Variants in LRRC2 observed in about 807,000 individuals in gnomAD.
LRRC2 encodes the protein leucine-rich repeat-containing protein 2.
Under a neutral mutation model 40.2 loss-of-function variants are expected in LRRC2, and 27 were observed. The ratio of observed to expected loss-of-function variants is 0.67; its 90% CI spans 0.49 to 0.93. The LOEUF is 0.93. LRRC2 is among the 40% of genes least tolerant of loss of function. The pLI is 0.00. For synonymous variants in LRRC2, 147 were observed against 158.9 expected (o/e 0.92, Z 0.56); for missense variants, 402 against 439.6 (o/e 0.91, Z 0.76).
intron 1 of LRRC2, among the ~76,000 whole-genome samples, chr3:46,552,838 C>T (rs985691597): frequency 3.4e-5 from 5 of 148,246 alleles, no homozygotes; most frequent in Non-Finnish European, 7.4e-5. Context: ...AACCATTGAT[C>T]TCTGTTTACC....
chr3:46,562,059 C>T (rs1704956647), intron 1 of LRRC2, among the ~76,000 whole-genome samples: 1 of 152,184 alleles, frequency 6.6e-6, no homozygotes, highest in Non-Finnish European at 1.5e-5. Context: ...AAAGGTAGAA[C>T]TTAATTCCTC....
intron 7 of LRRC2, among the ~76,000 whole-genome samples, chr3:46,523,849 A>G (rs1704008711): frequency 6.6e-6 from 1 of 152,170 alleles, no homozygotes; most frequent in South Asian, 2.1e-4. Flanking sequence ...CTGTTCACAC[A>G]TCTATCCACC....
rs115994071 is a variant in LRRC2 at position 46,552,511 on chromosome 3, G to A, written c.-19-901C>T. Among the ~76,000 whole-genome samples, 317 of 152,124 alleles carry A rather than the reference G, an allele frequency of 2.1e-3. 2 individuals are homozygous for A. Among genetic ancestry groups the A allele is most frequent in the African/African-American group, 7.5e-3 (312 of 41,498 alleles). On this transcript the variant is annotated intron_variant, in intron 1 of 8. Transcript: ENST00000395905. ...CCTTTAAGTATAGGACATGAGGCAC[G>A]TAACAGCGACTTTCTTCCGTAACCC...
At chr3:46,555,216 A>C (rs995396047) in intron 1 of LRRC2, among the ~76,000 whole-genome samples, 4 of 152,092 alleles carry the variant, frequency 2.6e-5, no homozygotes. Flanking sequence ...TCTTGATTCC[A>C]TCATTTTATA....
chr3:46,546,715 C>CTTT (rs71098416), intron 2 of LRRC2, among the ~76,000 whole-genome samples: 2,577 of 106,582 alleles, frequency 0.024, 123 homozygotes, highest in Non-Finnish European at 0.03. Flanking sequence ...CAATTTGCTC[C>CTTT]TTTTTTTTTT....
At chr3:46,530,522 G>A (rs1704139991) in intron 5 of LRRC2, among the ~76,000 whole-genome samples, 1 of 152,206 alleles carries the variant, frequency 6.6e-6, no homozygotes. Flanking sequence ...GGAGGTTGCA[G>A]TGAGCTGAGA....
At position 46,539,249 on chromosome 3, in the gene LRRC2, A is replaced by T. The variant is rs761779830; in HGVS notation, c.334-48T>A. On this transcript the variant is annotated intron_variant, in intron 3 of 8. Transcript: ENST00000395905. ...AATCAGAACTAGCTCCTCCGTGTGCACAAAGCCGTGTAAAACCAAGCATTT... is the reference window on the plus strand; with the variant it reads ...AATCAGAACTAGCTCCTCCGTGTGCTCAAAGCCGTGTAAAACCAAGCATTT... 2.3e-5 allele frequency: 36 copies of T among 1,570,096 alleles called. No homozygotes were observed. In the South Asian group the frequency reaches 3.8e-4, roughly 17 times the overall value.
At chr3:46,564,113 T>C (rs749636687) in intron 1 of LRRC2, among the ~76,000 whole-genome samples, 14 of 152,140 alleles carry the variant, frequency 9.2e-5, no homozygotes, top group Non-Finnish European at 1.9e-4. Flanking sequence ...AAAGGATATA[T>C]TTGAGCACAG....
chr3:46,521,725 A>G (rs1703967926), intron 7 of LRRC2, 67 bp from the exon 8 acceptor site: 1 of 1,496,246 alleles, frequency 6.7e-7, no homozygotes, highest in Admixed American at 2.0e-5. Flanking sequence ...AATTCCTCAC[A>G]TAAAATAACC....
At chr3:46,562,571 AGCT>A (rs1033988580) in intron 1 of LRRC2, among the ~76,000 whole-genome samples, 1 of 152,210 alleles carries the variant, frequency 6.6e-6, no homozygotes, top group African/African-American at 2.4e-5. Flanking sequence ...GTGCATGTTC[AGCT>A]GCCTCCTTGA....
intron 8 of LRRC2, among the ~76,000 whole-genome samples, chr3:46,519,855 T>C (rs1284291088): frequency 1.3e-5 from 2 of 152,260 alleles, no homozygotes; most frequent in South Asian, 2.1e-4. Flanking sequence ...GAAGACACCA[T>C]GATAAAGAAA....
At chr3:46,542,616 A>G (rs1042561895) in intron 3 of LRRC2, among the ~76,000 whole-genome samples, 13 of 152,220 alleles carry the variant, frequency 8.5e-5, no homozygotes, top group Middle Eastern at 3.2e-3. Flanking sequence ...AAAAGCTAAG[A>G]TTAAGAGATA....
chr3:46,546,110 A>C (rs1704520035), intron 2 of LRRC2, among the ~76,000 whole-genome samples: 1 of 152,204 alleles, frequency 6.6e-6, no homozygotes. Context: ...CCAACTGGGA[A>C]CCTGGCGGCA....
At chr3:46,543,653 T>TAATAATAATA (rs1308354438) in intron 3 of LRRC2, among the ~76,000 whole-genome samples, 1 of 94,344 alleles carries the variant, frequency 1.1e-5, no homozygotes, top group South Asian at 4.2e-4. Flanking sequence ...TAATAATAAA[T>TAATAATAATA]AATAAATACC....
intron 1 of LRRC2, among the ~76,000 whole-genome samples, chr3:46,554,143 C>T (rs1030958927): frequency 5.3e-4 from 81 of 152,092 alleles, no homozygotes; most frequent in African/African-American, 1.7e-3. Context: ...CCTCCACCTC[C>T]CAAGTAGCTG....
rs926588603 is a variant in LRRC2 at position 46,540,456 on chromosome 3, C to T, written c.334-1255G>A. Among the ~76,000 whole-genome samples, 7 of 149,366 alleles carry T rather than the reference C, an allele frequency of 4.7e-5. No homozygotes were observed. The East Asian group carries it at 5.9e-4, about 13-fold the overall frequency. On this transcript the variant is annotated intron_variant, in intron 3 of 8. Transcript: ENST00000395905. ...AGGAGAATCGCTTGAACCCAGGAGG[C>T]GAAGGTTGTAGTGAGCCAAAATAGC...
intron 1 of LRRC2, among the ~76,000 whole-genome samples, chr3:46,563,536 C>T (rs1187828683): frequency 6.6e-6 from 1 of 152,206 alleles, no homozygotes; most frequent in Non-Finnish European, 1.5e-5. Flanking sequence ...TCCCCACACC[C>T]CTGGAACCCA....
intron 2 of LRRC2, among the ~76,000 whole-genome samples, chr3:46,548,831 A>G (rs1704582600): frequency 6.6e-6 from 1 of 152,216 alleles, no homozygotes. Context: ...ACCTCAGATC[A>G]TCAGGCATTA....
rs986916455 is a variant in LRRC2, at chr3:46,517,097, T to C, written c.*1917A>G. ...TGGGTTCTTCAATCACATCAGTCAT[T>C]GTTCAAGTGCTCAAGAATCACATGT... On this transcript the variant is annotated 3_prime_UTR_variant, in exon 9 of 9. Transcript: ENST00000395905. 3.9e-5 allele frequency: 6 copies of C among 152,202 alleles called. No individual in the cohort carries two copies. Among genetic ancestry groups the C allele is most frequent in the Non-Finnish European group, 8.8e-5 (6 of 68,040 alleles). The allele number at this position is 152,202 out of a possible 1,614,324, so 9.4% of individuals were successfully genotyped here.
Sources: gnomAD v4.1 joint callset for allele counts (sites outside exome capture counted in the v4.1 genomes callset) on GRCh38, gnomAD v4.1.1 for gene constraint, MANE v1.5 for transcripts, NCBI Gene and HGNC (gene_info 2026-07-23, HGNC 2026-07-21) for gene names.